The following EPB41L5 variants were observed in gnomAD, a reference collection of about 807,000 sequenced individuals.
The protein encoded by EPB41L5 is erythrocyte membrane protein band 4.1 like 5, also known as band 4.1-like protein 5.
Under a neutral mutation model 106.6 loss-of-function variants are expected in EPB41L5, and 55 were observed. The observed-to-expected ratio is 0.52, with a 90% CI of 0.42 to 0.65. The LOEUF is 0.65. Ranked by LOEUF, EPB41L5 falls within the 30% of genes least tolerant of loss-of-function variation. The pLI is 0.00. For synonymous variants in EPB41L5, 297 were observed against 306.7 expected, an observed-to-expected ratio of 0.97 and a Z score of 0.33; for missense variants, 871 against 882.1, an observed-to-expected ratio of 0.99 and a Z score of 0.16.
chr2:120,138,259 G>T (rs1393855224), intron 18 of EPB41L5, among the ~76,000 whole-genome samples: 1 of 151,386 alleles, frequency 6.6e-6, no homozygotes, highest in Non-Finnish European at 1.5e-5. Flanking sequence ...CTAGTATCAT[G>T]CCTGAAAGCC....
intron 20 of EPB41L5, among the ~76,000 whole-genome samples, chr2:120,155,597 T>C (rs1574771191): frequency 6.6e-6 from 1 of 152,164 alleles, no homozygotes. Flanking sequence ...TCTATCCCTT[T>C]CTCTTCTCCT....
intron 10 of EPB41L5, among the ~76,000 whole-genome samples, chr2:120,079,264 T>C (rs1682470302): frequency 6.6e-6 from 1 of 152,202 alleles, no homozygotes; most frequent in Non-Finnish European, 1.5e-5. Flanking sequence ...ACTTTAAACA[T>C]AGCCCACTAC....
At chr2:120,068,928 G>C (rs1681652491) in intron 3 of EPB41L5, among the ~76,000 whole-genome samples, 1 of 151,752 alleles carries the variant, frequency 6.6e-6, no homozygotes, top group Admixed American at 6.6e-5. Context: ...GGGAGTTCGA[G>C]ACCAGCCTGA....
At chr2:120,018,334 A>G (rs997080873) in intron 1 of EPB41L5, among the ~76,000 whole-genome samples, 1 of 152,070 alleles carries the variant, frequency 6.6e-6, no homozygotes, top group Non-Finnish European at 1.5e-5. Context: ...GATATACAAG[A>G]TGTTGTACAT....
intron 16 of EPB41L5, among the ~76,000 whole-genome samples, chr2:120,124,778 T>TA (rs2105456678): frequency 6.6e-6 from 1 of 152,358 alleles, no homozygotes; most frequent in African/African-American, 2.4e-5. Context: ...CTATTTTTTT[T>TA]ACCTTTCATA....
At chr2:120,120,589 C>CT (rs1017247097) in intron 16 of EPB41L5, among the ~76,000 whole-genome samples, 5 of 151,424 alleles carry the variant, frequency 3.3e-5, no homozygotes, top group African/African-American at 9.7e-5. Context: ...TAAACAGGTG[C>CT]TTTTTTTAAA....
chr2:120,178,783 C>T lies in EPB41L5; in HGVS notation c.*3876C>T, dbSNP rs1028640191. The stretch of plus-strand genomic sequence containing the variant: ...CGATCTGTAAGTCCCTATGTCACCA[C>T]ATTGCTTGAGATGATCATTCAGTTA... On this transcript the variant is annotated 3_prime_UTR_variant, in exon 25 of 25. Coordinates refer to ENST00000263713, the MANE Select transcript of EPB41L5 (RefSeq NM_020909.4). 6.6e-6 allele frequency: 1 copy of T among 152,228 alleles called. No individual in the cohort carries two copies. The highest frequency in any genetic ancestry group is 2.4e-5 in the African/African-American group (1 of 41,454). 9.4% of individuals were successfully genotyped at this position (152,228 alleles called of 1,614,324 possible).
chr2:120,093,518 C>G (rs561840704), intron 14 of EPB41L5, among the ~76,000 whole-genome samples: 2 of 152,146 alleles, frequency 1.3e-5, no homozygotes, highest in African/African-American at 2.4e-5. Context: ...GAATGACATA[C>G]CTTTGTTATT....
rs545592258 is a variant in EPB41L5, at chr2:120,107,978, A to T, written c.1337+7164A>T. Among the ~76,000 whole-genome samples the T allele has an allele frequency of 1.3e-3, 198 of 152,276 alleles. 1 individual carries two copies. The highest frequency in any genetic ancestry group is 4.4e-3 in the African/African-American group (184 of 41,558). On this transcript the variant is annotated intron_variant, in intron 16 of 24. Transcript: ENST00000263713. ...AGTGTCTTTGTTAAAAGAATGAGTGAAGAGAAGAGAAAATTTTAAAAGAAA... is the reference window on the plus strand; with the variant it reads ...AGTGTCTTTGTTAAAAGAATGAGTGTAGAGAAGAGAAAATTTTAAAAGAAA...
Position 120,118,073 on chromosome 2 carries a change from A to C in EPB41L5, c.1338-9615A>C, listed in dbSNP as rs1397083071. ...TTTAATAGTTTCTGGAATTTAATAG[A>C]GTTTTCCTCACTGCTACATTTTAGA... On this transcript the variant is annotated intron_variant, in intron 16 of 24. Coordinates refer to ENST00000263713, the MANE Select transcript of EPB41L5 (RefSeq NM_020909.4). 2.0e-5 allele frequency among the ~76,000 whole-genome samples: 3 copies of C among 152,326 alleles called. No homozygotes were observed. The East Asian group carries it at 5.8e-4, about 29-fold the overall frequency.
At chr2:120,015,476 A>G (rs1677453919) in intron 1 of EPB41L5, among the ~76,000 whole-genome samples, 1 of 152,046 alleles carries the variant, frequency 6.6e-6, no homozygotes, top group Non-Finnish European at 1.5e-5. Flanking sequence ...GACTTCTGAC[A>G]TGCCCCTCTT....
intron 16 of EPB41L5, among the ~76,000 whole-genome samples, chr2:120,123,839 G>A (rs1685340834): frequency 6.6e-6 from 1 of 151,504 alleles, no homozygotes; most frequent in South Asian, 2.1e-4. Context: ...TTTGTTTTCA[G>A]TAGAGATGGG....
At position 120,077,019 on chromosome 2, in the gene EPB41L5, C is replaced by CA; in HGVS notation, c.555dup (p.Glu186ArgfsTer10). 1 of 1,612,422 alleles carries CA rather than the reference C, an allele frequency of 6.2e-7. No homozygotes were observed. The highest frequency in any genetic ancestry group is 8.5e-7 in the Non-Finnish European group (1 of 1,178,834). ...GCTGAGCATAGTCCTGAACTTGTCT[C>CA]AGAGTTCAGATTCGTGCCTATTCAG... On this transcript the variant is annotated frameshift_variant, in exon 8 of 25. Transcript: ENST00000263713. LOFTEE classifies it high-confidence loss of function.
At chr2:120,050,481 A>G (rs930777929) in intron 3 of EPB41L5, among the ~76,000 whole-genome samples, 6 of 152,136 alleles carry the variant, frequency 3.9e-5, no homozygotes, top group South Asian at 2.1e-4. Flanking sequence ...GCATCACGTC[A>G]TTCTCGTGCC....
chr2:120,163,980 CTTTTT>C (rs70949387), intron 21 of EPB41L5, among the ~76,000 whole-genome samples: 4 of 68,140 alleles, frequency 5.9e-5, no homozygotes, highest in South Asian at 5.6e-4. Flanking sequence ...TTTGTATTTA[CTTTTT>C]TTTTTTTTTT....
chr2:120,126,599 C>T (rs544238026), intron 16 of EPB41L5, among the ~76,000 whole-genome samples: 4 of 152,250 alleles, frequency 2.6e-5, no homozygotes, highest in African/African-American at 9.6e-5. Context: ...CTTATATTGT[C>T]AAAAGTTCCT....
intron 2 of EPB41L5, among the ~76,000 whole-genome samples, chr2:120,023,073 G>A (rs986504121): frequency 6.6e-6 from 1 of 151,984 alleles, no homozygotes; most frequent in Non-Finnish European, 1.5e-5. Context: ...TGTAGATTCT[G>A]GATATTAGCC....
intron 3 of EPB41L5, among the ~76,000 whole-genome samples, chr2:120,057,391 T>C (rs1436548985): frequency 6.6e-6 from 1 of 152,236 alleles, no homozygotes; most frequent in Non-Finnish European, 1.5e-5. Flanking sequence ...AGTCCAGTGA[T>C]GATCTTAAAC....
chr2:120,164,987 C>A, intron 22 of EPB41L5, 77 bp downstream of exon 22: 2 of 1,110,934 alleles, frequency 1.8e-6, no homozygotes, highest in Non-Finnish European at 2.6e-6. Context: ...CCAGTTTTTT[C>A]CTTTTTAATA....
Sources: allele counts gnomAD v4.1 joint callset (sites outside exome capture counted in the v4.1 genomes callset), GRCh38; gene constraint gnomAD v4.1.1; transcripts MANE v1.5; gene names NCBI Gene and HGNC (gene_info 2026-07-23, HGNC 2026-07-21).